Variants in CA8 observed in about 807,000 individuals in gnomAD.
CA8 encodes carbonic anhydrase 8 (inactive).
CA8 carries 22 observed loss-of-function variants against 41.4 expected under a neutral mutation model. That is an observed-to-expected ratio of 0.53 (90% CI 0.38 to 0.76). The LOEUF (loss-of-function observed/expected upper bound fraction) is 0.76, where lower values mean the gene tolerates loss of function less well. Ranked by LOEUF, CA8 falls within the 30% of genes least tolerant of loss-of-function variation. The pLI is 0.00. For missense variants in CA8, 270 were observed against 352.8 expected, an observed-to-expected ratio of 0.77 and a Z score of 1.88; for synonymous variants, 121 against 130.6, an observed-to-expected ratio of 0.93 and a Z score of 0.50.
chr8:60,200,089 T>C (rs1489117994), intron 8 of CA8, among the ~76,000 whole-genome samples: 2 of 152,104 alleles, frequency 1.3e-5, no homozygotes, highest in Non-Finnish European at 2.9e-5. Flanking sequence ...GTGATTGGGA[T>C]TACTGCCCTT....
At chr8:60,222,029 T>C (rs1284689516) in intron 7 of CA8, among the ~76,000 whole-genome samples, 5 of 152,194 alleles carry the variant, frequency 3.3e-5, no homozygotes, top group African/African-American at 1.2e-4. Context: ...GCCCCTTCTG[T>C]AATATTAAAA....
chr8:60,195,494 C>T (rs1052430077), intron 8 of CA8, among the ~76,000 whole-genome samples: 9 of 152,218 alleles, frequency 5.9e-5, no homozygotes, highest in Non-Finnish European at 8.8e-5. Flanking sequence ...AAGTATCCCT[C>T]TTTAAGTACA....
rs534365904 is a variant in CA8 at position 60,188,859 on chromosome 8, A to C, written c.*1162T>G. ...CCGTCTCTACTCAACACATCTAAAA[A>C]CTCTGAACATATACTTATTCCACCT... On this transcript the variant is annotated 3_prime_UTR_variant, in exon 9 of 9. Coordinates refer to ENST00000317995, the MANE Select transcript of CA8 (RefSeq NM_004056.6). The C allele has an allele frequency of 8.6e-5, 13 of 151,998 alleles. No individual in the cohort carries two copies. In the East Asian group the frequency reaches 2.1e-3, roughly 25 times the overall value. The allele number at this position is 151,998 out of a possible 1,614,324, so 9.4% of individuals were successfully genotyped here. A position where few individuals can be genotyped will look rare whatever the true frequency, so the allele number is the denominator to read the frequency against.
chr8:60,257,083 C>T (rs917159788), intron 3 of CA8, among the ~76,000 whole-genome samples: 14 of 152,054 alleles, frequency 9.2e-5, no homozygotes, highest in African/African-American at 2.9e-4. Flanking sequence ...TAGGTTCAAG[C>T]GATATCGTGC....
At chr8:60,274,208 C>T (rs1804157030) in intron 2 of CA8, among the ~76,000 whole-genome samples, 1 of 151,758 alleles carries the variant, frequency 6.6e-6, no homozygotes, top group African/African-American at 2.4e-5. Flanking sequence ...GGGGTACCTC[C>T]AGTTAGACAA....
intron 3 of CA8, among the ~76,000 whole-genome samples, chr8:60,255,766 A>G (rs1808614636): frequency 1.3e-5 from 2 of 152,218 alleles, no homozygotes; most frequent in Admixed American, 1.3e-4. Context: ...CCTATGGTAC[A>G]ACATTTACAT....
intron 5 of CA8, 54 bp from the exon 6 acceptor site, chr8:60,224,639 G>T (rs1441705196): frequency 2.6e-6 from 3 of 1,134,248 alleles, no homozygotes; most frequent in Admixed American, 3.5e-5. Flanking sequence ...CTAGATTTTA[G>T]AATAAAAAAT....
chr8:60,212,378 A>T (rs1167463585), intron 7 of CA8, among the ~76,000 whole-genome samples: 3 of 152,240 alleles, frequency 2.0e-5, no homozygotes, highest in Non-Finnish European at 4.4e-5. Flanking sequence ...TTAAAAGAGA[A>T]ATACAACACA....
rs138481158 is a variant in CA8, at chr8:60,196,431, A to C, written c.*36-6446T>G. On this transcript the variant is annotated intron_variant, in intron 8 of 8. Transcript: ENST00000317995. ...CAATAGTTTGCCCAAGTTGTGGAAC[A>C]GCAAATAGAGGTGCTGTGTTCCCCA... Among the ~76,000 whole-genome samples, 597 of 152,256 alleles carry C rather than the reference A, an allele frequency of 3.9e-3. 4 individuals carry two copies. The highest frequency in any genetic ancestry group is 0.013 in the African/African-American group (554 of 41,574).
chr8:60,224,988 C>A (rs1220332410), intron 5 of CA8, among the ~76,000 whole-genome samples: 2 of 151,860 alleles, frequency 1.3e-5, no homozygotes, highest in Non-Finnish European at 2.9e-5. Context: ...CATTTCAGCT[C>A]CTAACCTTTC....
At chr8:60,278,147 A>C (rs1804299792) in intron 2 of CA8, among the ~76,000 whole-genome samples, 1 of 152,194 alleles carries the variant, frequency 6.6e-6, no homozygotes, top group African/African-American at 2.4e-5. Flanking sequence ...AGGTAGCAGA[A>C]GAAAATGGTA....
chr8:60,265,713 G>A, intron 3 of CA8: 1 of 564,070 alleles, frequency 1.8e-6, no homozygotes, highest in Middle Eastern at 4.8e-4. Flanking sequence ...TTCTGGCCAT[G>A]TGCTCATGCG....
intron 3 of CA8, among the ~76,000 whole-genome samples, chr8:60,257,400 T>C (rs1381266768): frequency 6.6e-6 from 1 of 152,236 alleles, no homozygotes; most frequent in Non-Finnish European, 1.5e-5. Flanking sequence ...GGGTTTACTC[T>C]TCGCTGACCT....
intron 3 of CA8, among the ~76,000 whole-genome samples, chr8:60,241,214 A>G (rs761528650): frequency 1.3e-5 from 2 of 152,222 alleles, no homozygotes; most frequent in African/African-American, 2.4e-5. Context: ...GTAGACAGAT[A>G]TAACAGTGAC....
At chr8:60,221,375 G>A (rs1807240958) in intron 7 of CA8, among the ~76,000 whole-genome samples, 1 of 152,140 alleles carries the variant, frequency 6.6e-6, no homozygotes, top group Admixed American at 6.5e-5. Context: ...GTTATCTTCT[G>A]TGTCCAGTTA....
chr8:60,235,509 A>C (rs1807798785), intron 3 of CA8, among the ~76,000 whole-genome samples: 1 of 152,204 alleles, frequency 6.6e-6, no homozygotes. Flanking sequence ...CTTTTTGCTC[A>C]CCATAAGAAA....
chr8:60,253,837 G>A (rs147734463), intron 3 of CA8, among the ~76,000 whole-genome samples: 6 of 152,252 alleles, frequency 3.9e-5, no homozygotes, highest in African/African-American at 1.4e-4. Context: ...CCCTTCTAGA[G>A]TATTCTCTGA....
chr8:60,234,593 T>G (rs1361345204), intron 3 of CA8, among the ~76,000 whole-genome samples: 2 of 152,196 alleles, frequency 1.3e-5, no homozygotes, highest in East Asian at 3.8e-4. Context: ...TTAAGAGAAA[T>G]GCTGGCACTT....
intron 2 of CA8, among the ~76,000 whole-genome samples, chr8:60,274,676 A>G (rs1212941940): frequency 6.6e-6 from 1 of 152,162 alleles, no homozygotes; most frequent in African/African-American, 2.4e-5. Context: ...GTGAGGACGT[A>G]GCACCGAAGC....
Sources: gnomAD v4.1 joint callset for allele counts (sites outside exome capture counted in the v4.1 genomes callset) on GRCh38, gnomAD v4.1.1 for gene constraint, MANE v1.5 for transcripts, NCBI Gene and HGNC (gene_info 2026-07-23, HGNC 2026-07-21) for gene names.